COL12A1: variants seen among roughly 807,000 people sequenced by gnomAD.
COL12A1 encodes the protein collagen type XII alpha 1 chain, also known as collagen alpha-1(XII) chain.
A neutral mutation model predicts 349.7 loss-of-function variants in COL12A1; 114 were observed. The observed-to-expected ratio is 0.33, with a 90% confidence interval of 0.28 to 0.38. The LOEUF (loss-of-function observed/expected upper bound fraction) is 0.38. Ranked by LOEUF, COL12A1 falls within the 10% of genes least tolerant of loss-of-function variation. The pLI, the probability that COL12A1 is intolerant of heterozygous loss-of-function variation, is 1.00. For missense variants in COL12A1, 3,284 were observed against 3,756.9 expected (o/e 0.87, Z 3.29); for synonymous variants, 1,369 against 1,329.0 (o/e 1.03, Z -0.66).
At chr6:75,142,278 G>A (rs768911596) in intron 26 of COL12A1, 117 bp from the exon 27 acceptor site, 2 of 1,239,342 alleles carry the variant, frequency 1.6e-6, no homozygotes, top group Non-Finnish European at 2.3e-6. Context: ...GAAAAGAGCA[G>A]TGTTTTCCAA....
chr6:75,102,149 A>T, intron 56 of COL12A1, 97 bp from the exon 57 acceptor site: 1 of 1,215,196 alleles, frequency 8.2e-7, no homozygotes, highest in Non-Finnish European at 1.2e-6. Context: ...ATCACTTCAT[A>T]AATCCAGTGT....
chr6:75,096,534 A>G (rs1768032997), intron 59 of COL12A1, among the ~76,000 whole-genome samples: 1 of 152,186 alleles, frequency 6.6e-6, no homozygotes, highest in African/African-American at 2.4e-5. Context: ...TGACTTCCTC[A>G]GAACAACTGA....
At chr6:75,129,099 A>G (rs1766169859) in intron 37 of COL12A1, among the ~76,000 whole-genome samples, 1 of 152,228 alleles carries the variant, frequency 6.6e-6, no homozygotes, top group South Asian at 2.1e-4. Flanking sequence ...TGTATTTTTA[A>G]TGTTTTCGGA....
intron 1 of COL12A1, among the ~76,000 whole-genome samples, chr6:75,203,084 C>T (rs1770612671): frequency 1.3e-5 from 2 of 152,164 alleles, no homozygotes; most frequent in African/African-American, 2.4e-5. Context: ...CTTAGCATCC[C>T]GGGTGAAGGC....
intron 59 of COL12A1, among the ~76,000 whole-genome samples, chr6:75,095,831 T>C (rs972603869): frequency 1.3e-5 from 2 of 150,962 alleles, no homozygotes; most frequent in South Asian, 4.2e-4. Flanking sequence ...AGCAATTCCC[T>C]TTTTTTTTAA....
rs770396769 is a variant in COL12A1, at chr6:75,133,356, C to T, written c.5731G>A (p.Val1911Met). The change falls in exon 34 of 66, where the codon GTG becomes ATG. Residue 1911 changes from valine (V) to methionine (M), a missense_variant. By Grantham distance (21) the Val-to-Met change is conservative. Transcript: ENST00000322507. ...TCAGTATAAACGGGAACTACAGTCA[C>T]AGTGTATGAGGTATCTGGCTGCAGA... The part of the protein sequence containing the change: ...RNLQPDTSYT[V>M]TVVPVYTEGD... The T allele has an allele frequency of 7.4e-6, 12 of 1,612,532 alleles. No homozygotes were observed. Among genetic ancestry groups the T allele is most frequent in the South Asian group, 1.1e-5 (1 of 90,654 alleles).
intron 52 of COL12A1, among the ~76,000 whole-genome samples, chr6:75,106,886 C>CTTTT (rs5877441): frequency 2.1e-5 from 1 of 47,440 alleles, no homozygotes; most frequent in Admixed American, 2.9e-4. Flanking sequence ...TTTTTTTTTT[C>CTTTT]TTTTTTCTTT....
Position 75,183,354 on chromosome 6 carries a change from T to C in COL12A1, c.1587A>G (p.Lys529=). Residue 529 remains lysine, a synonymous_variant, in exon 10 of 66, where the codon AAA becomes AAG. Coordinates refer to ENST00000322507, the MANE Select transcript of COL12A1 (RefSeq NM_004370.6). The stretch of plus-strand genomic sequence containing the variant: ...TTGATCCCTTGCTAGGCACAAATAT[T>C]TTCTCTCTGACATAAGTCATTGCTT... ...TGKAMTYVRE[K]IFVPSKGSRS... The C allele has an allele frequency of 6.2e-7, 1 of 1,614,242 alleles. No individual in the cohort carries two copies. Among genetic ancestry groups the C allele is most frequent in the Non-Finnish European group, 8.5e-7 (1 of 1,180,044 alleles).
Position 75,156,525 on chromosome 6 carries a change from T to C in COL12A1, c.2984-2A>G, listed in dbSNP as rs760316411. On this transcript the variant is annotated splice_acceptor_variant, in intron 14 of 65. Coordinates refer to ENST00000322507, the MANE Select transcript of COL12A1 (RefSeq NM_004370.6). LOFTEE classifies it high-confidence loss of function. ...TCAGGGTTTTGGAATCTTGAGATAC[T>C]GGGAGATAAAAGGAAGATTAAACTG... 8 of 1,612,924 alleles carry C rather than the reference T, an allele frequency of 5.0e-6. No homozygotes were observed. The Admixed American group carries it at 6.7e-5, about 13-fold the overall frequency.
chr6:75,183,133 T>C lies in COL12A1; in HGVS notation c.1808A>G (p.Asp603Gly). Reference sequence around the variant, plus strand: ...TTCAAAAGATATCCTCTGAAAAGCATCAAAATCTTCCACTGTGAACACATG... The same window carrying C: ...TTCAAAAGATATCCTCTGAAAAGCACCAAAATCTTCCACTGTGAACACATG... ...ETHVFTVEDF[D>G]AFQRISFELT... The change falls in exon 10 of 66, where the codon GAT becomes GGT. Residue 603 changes from aspartate to glycine, a missense_variant. By Grantham distance (94) the Asp-to-Gly change is moderately conservative. This residue lies in a region of COL12A1 where 2,601 missense variants were observed against 2,824.8 expected (regional missense o/e 0.92). Transcript: ENST00000322507. 1.2e-6 allele frequency: 2 copies of C among 1,614,160 alleles called. No individual in the cohort carries two copies. The highest frequency in any genetic ancestry group is 1.7e-6 in the Non-Finnish European group (2 of 1,180,046).
At chr6:75,152,813 G>C (rs1337268167) in intron 17 of COL12A1, among the ~76,000 whole-genome samples, 2 of 151,914 alleles carry the variant, frequency 1.3e-5, no homozygotes, top group Non-Finnish European at 2.9e-5. Flanking sequence ...AAATTCAAAG[G>C]CTGAAATAAA....
chr6:75,103,025 AT>A (rs1457605381), intron 55 of COL12A1, among the ~76,000 whole-genome samples: 1 of 152,160 alleles, frequency 6.6e-6, no homozygotes, highest in Non-Finnish European at 1.5e-5. Context: ...GATTTGATTT[AT>A]TTTAAGCTAG....
chr6:75,113,069 A>G (rs1768912547), intron 51 of COL12A1, 135 bp downstream of exon 51: 1 of 477,744 alleles, frequency 2.1e-6, no homozygotes, highest in Non-Finnish European at 3.6e-6. Context: ...GAATTAACCA[A>G]ATTCTCTAAA....
Position 75,175,207 on chromosome 6 carries a change from T to G in COL12A1, c.2541A>C (p.Thr847=), listed in dbSNP as rs775341470. ...APGKVKQYLV[T]YTPVAGGETQ... ...TTTCACCCCCTGCCACTGGGGTATATGTGACGAGATACTGTTTCACTTTTC... is the reference window on the plus strand; with the variant it reads ...TTTCACCCCCTGCCACTGGGGTATAGGTGACGAGATACTGTTTCACTTTTC... The change falls in exon 13 of 66, where the codon ACA becomes ACC. Residue 847 remains threonine, a synonymous_variant. Coordinates refer to ENST00000322507, the MANE Select transcript of COL12A1 (RefSeq NM_004370.6). The G allele has an allele frequency of 6.2e-7, 1 of 1,614,196 alleles. No homozygotes were observed. Among genetic ancestry groups the G allele is most frequent in the South Asian group, 1.1e-5 (1 of 91,074 alleles).
chr6:75,174,327 C>T (rs1318373380), intron 13 of COL12A1, among the ~76,000 whole-genome samples: 34 of 152,120 alleles, frequency 2.2e-4, no homozygotes, highest in Non-Finnish European at 2.9e-4. Context: ...GTGGCCGAGG[C>T]GGGCGGATCA....
At chr6:75,102,411 G>C (rs560639483) in intron 56 of COL12A1, among the ~76,000 whole-genome samples, 186 bp downstream of exon 56, 1 of 151,738 alleles carries the variant, frequency 6.6e-6, no homozygotes, top group East Asian at 1.9e-4. Context: ...TTTCTACACA[G>C]TTTTATATTA....
intron 26 of COL12A1, 37 bp downstream of exon 26, chr6:75,143,215 A>G: frequency 6.2e-7 from 1 of 1,610,560 alleles, no homozygotes; most frequent in Non-Finnish European, 8.5e-7. Context: ...TACTAGGAAA[A>G]CAAATATTTT....
chr6:75,102,762 C>T, intron 55 of COL12A1, 70 bp from the exon 56 acceptor site: 6 of 880,452 alleles, frequency 6.8e-6, no homozygotes, highest in Non-Finnish European at 9.7e-6. Context: ...TTTAGTCAGA[C>T]ACTTGTCATC....
intron 43 of COL12A1, among the ~76,000 whole-genome samples, chr6:75,122,937 G>T (rs1280481620): frequency 2.0e-5 from 3 of 152,172 alleles, no homozygotes; most frequent in Non-Finnish European, 2.9e-5. Flanking sequence ...TCTCAGGTTG[G>T]ACACCAGGAA....
Sources: allele counts gnomAD v4.1 joint callset (sites outside exome capture counted in the v4.1 genomes callset), GRCh38; gene constraint gnomAD v4.1.1; regional missense constraint gnomAD v4.1.1; transcripts MANE v1.5; gene names NCBI Gene and HGNC (gene_info 2026-07-23, HGNC 2026-07-21).